FMO3: variants seen among roughly 807,000 people sequenced by gnomAD.
The protein encoded by FMO3 is flavin-containing monooxygenase 3.
In FMO3, 40 loss-of-function variants were observed where a neutral mutation model predicts 39.4. The observed-to-expected ratio is 1.02, with a 90% confidence interval of 0.79 to 1.32. FMO3 has a LOEUF of 1.32. Ranked by LOEUF, FMO3 falls within the 40% of genes most tolerant of loss-of-function variation. The probability of loss-of-function intolerance (pLI) is 0.00; values close to 1 mark genes in which losing one functional copy is unlikely to be tolerated. For missense variants in FMO3, 680 were observed against 651.8 expected (o/e 1.04, Z -0.47); for synonymous variants, 219 against 228.8 (o/e 0.96, Z 0.39).
At chr1:171,092,331 C>A (rs1040093547) in intron 1 of FMO3, among the ~76,000 whole-genome samples, 3 of 152,190 alleles carry the variant, frequency 2.0e-5, no homozygotes, top group Admixed American at 6.5e-5. Context: ...GTGATCCTAC[C>A]GCCTCAGCCT....
At chr1:171,113,733 G>A (rs1372509338) in intron 6 of FMO3, among the ~76,000 whole-genome samples, 1 of 152,254 alleles carries the variant, frequency 6.6e-6, no homozygotes, top group South Asian at 2.1e-4. Flanking sequence ...CTTTAACAGG[G>A]AACTGGGCAT....
At chr1:171,103,714 G>T in intron 2 of FMO3, 71 bp from the exon 3 acceptor site, 1 of 1,312,886 alleles carries the variant, frequency 7.6e-7, no homozygotes, top group Non-Finnish European at 1.1e-6. Flanking sequence ...GTAATTACTT[G>T]GAACCAGCCC....
At chr1:171,114,487 A>T in intron 7 of FMO3, 125 bp downstream of exon 7, 1 of 732,934 alleles carries the variant, frequency 1.4e-6, no homozygotes, top group Non-Finnish European at 2.4e-6. Flanking sequence ...ATAATTCTAT[A>T]TTCTTTAGTG....
intron 2 of FMO3, among the ~76,000 whole-genome samples, chr1:171,101,407 C>A (rs1015627419): frequency 3.3e-5 from 5 of 152,144 alleles, no homozygotes; most frequent in African/African-American, 4.8e-5. Flanking sequence ...AATGATGGAG[C>A]AAACAGCAGT....
chr1:171,094,577 T>G (rs985111168), intron 2 of FMO3, among the ~76,000 whole-genome samples: 1 of 152,194 alleles, frequency 6.6e-6, no homozygotes, highest in Admixed American at 6.6e-5. Context: ...GTTTCAGATC[T>G]TACATTTAAG....
Position 171,113,897 on chromosome 1 carries a change from G to GA in FMO3, c.828-100dup, listed in dbSNP as rs998050697. The GA allele has an allele frequency of 5.7e-3, 3,939 of 691,590 alleles. 1 individual carries two copies. The highest frequency in any genetic ancestry group is 7.5e-3 in the South Asian group (340 of 45,110). The allele number at this position is 691,590 out of a possible 1,614,324, so 42.8% of individuals were successfully genotyped here. A position where few individuals can be genotyped will look rare whatever the true frequency, so the allele number is the denominator to read the frequency against. On this transcript the variant is annotated intron_variant, in intron 6 of 8. Coordinates refer to ENST00000367755, the MANE Select transcript of FMO3 (RefSeq NM_001002294.3). ...CATATTGGAGATACTCTATGCCTCA[G>GA]AAAAAAAAAATCTTGGGTCATTTTT...
intron 6 of FMO3, among the ~76,000 whole-genome samples, chr1:171,111,382 A>C (rs1474302550): frequency 6.6e-6 from 1 of 152,178 alleles, no homozygotes; most frequent in African/African-American, 2.4e-5. Context: ...ACTGCGTTTC[A>C]GTGTAGTTAA....
chr1:171,113,311 C>A (rs1253353163), intron 6 of FMO3, among the ~76,000 whole-genome samples: 2 of 152,274 alleles, frequency 1.3e-5, no homozygotes, highest in East Asian at 3.9e-4. Flanking sequence ...GGCACCCTCC[C>A]TCTGGCCTTA....
At chr1:171,101,879 G>T in intron 2 of FMO3, 1 of 373,504 alleles carries the variant, frequency 2.7e-6, no homozygotes, top group Non-Finnish European at 5.5e-6. Context: ...TATGAATAGT[G>T]GCTTTCTTCT....
chr1:171,095,583 G>T (rs984576171), intron 2 of FMO3, among the ~76,000 whole-genome samples: 1 of 150,690 alleles, frequency 6.6e-6, no homozygotes, highest in East Asian at 1.9e-4. Context: ...TCAATGAAAA[G>T]GTTGTATTTA....
chr1:171,110,878 C>T lies in FMO3; in HGVS notation c.708C>T (p.Val236=). 1 of 1,614,030 alleles carries T rather than the reference C, an allele frequency of 6.2e-7. No homozygotes were observed. The highest frequency in any genetic ancestry group is 8.5e-7 in the Non-Finnish European group (1 of 1,179,944). Residue 236 remains valine (V), a synonymous_variant, in exon 6 of 9, where the codon GTC becomes GTT. Coordinates refer to ENST00000367755, the MANE Select transcript of FMO3 (RefSeq NM_001002294.3). ...DNGYPWDMLL[V]TRFGTFLKNN... is the part of the protein sequence containing the mutation. ...GTTATCCTTGGGACATGCTGCTCGT[C>T]ACTCGATTTGGAACCTTCCTCAAGA...
chr1:171,103,546 A>C (rs1655501398), intron 2 of FMO3, among the ~76,000 whole-genome samples: 1 of 152,182 alleles, frequency 6.6e-6, no homozygotes, highest in Non-Finnish European at 1.5e-5. Context: ...AAGCATTTAC[A>C]TTGCATTAGG....
intron 2 of FMO3, among the ~76,000 whole-genome samples, chr1:171,094,710 T>C (rs1072255): frequency 0.01 from 1,568 of 152,282 alleles, 20 homozygotes; most frequent in African/African-American, 0.035. Context: ...TTCCCCAGCA[T>C]ATGCTATTGT....
chr1:171,096,053 T>C (rs1334075216), intron 2 of FMO3, among the ~76,000 whole-genome samples: 1 of 55,032 alleles, frequency 1.8e-5, no homozygotes, highest in Non-Finnish European at 2.6e-5. Flanking sequence ...TATATAAATA[T>C]ATAATATATA....
intron 6 of FMO3, among the ~76,000 whole-genome samples, chr1:171,112,921 T>A (rs1655978258): frequency 6.6e-6 from 1 of 151,946 alleles, no homozygotes; most frequent in Admixed American, 6.6e-5. Flanking sequence ...GCCAGCAAAG[T>A]AGGAAAGGAA....
chr1:171,096,324 A>C (rs1432664673), intron 2 of FMO3, among the ~76,000 whole-genome samples: 1 of 95,860 alleles, frequency 1.0e-5, no homozygotes, highest in Non-Finnish European at 1.8e-5. Flanking sequence ...TTTATATATA[A>C]TATATAAAAT....
At chr1:171,096,210 A>C (rs1344697626) in intron 2 of FMO3, among the ~76,000 whole-genome samples, 1 of 77,114 alleles carries the variant, frequency 1.3e-5, no homozygotes, top group Non-Finnish European at 2.1e-5. Context: ...TCAATATAAT[A>C]TTTATATATA....
chr1:171,094,613 T>C (rs1654865475), intron 2 of FMO3, among the ~76,000 whole-genome samples: 1 of 152,302 alleles, frequency 6.6e-6, no homozygotes, highest in East Asian at 1.9e-4. Flanking sequence ...GAGTTCATTT[T>C]TGTATATGGT....
At chr1:171,091,549 G>A (rs1654706115) in intron 1 of FMO3, among the ~76,000 whole-genome samples, 1 of 151,620 alleles carries the variant, frequency 6.6e-6, no homozygotes, top group Non-Finnish European at 1.5e-5. Context: ...GACGCTGAAG[G>A]TAGTGGGAAA....
Sources: gnomAD v4.1 joint callset for allele counts (sites outside exome capture counted in the v4.1 genomes callset) on GRCh38, gnomAD v4.1.1 for gene constraint, MANE v1.5 for transcripts, NCBI Gene and HGNC (gene_info 2026-07-23, HGNC 2026-07-21) for gene names.